The following AGBL1 variants were observed in gnomAD, a reference collection of about 807,000 sequenced individuals.
The protein encoded by AGBL1 is AGBL carboxypeptidase 1, also known as cytosolic carboxypeptidase 4.
In AGBL1, 130 loss-of-function variants were observed where a neutral mutation model predicts 118.9. That is an observed-to-expected ratio of 1.09 (90% CI 0.95 to 1.26). The LOEUF (loss-of-function observed/expected upper bound fraction) is 1.26. Ranked by LOEUF, AGBL1 falls within the 50% of genes most tolerant of loss-of-function variation. AGBL1 has a pLI of 0.00. For synonymous variants in AGBL1, 555 were observed against 478.9 expected, an observed-to-expected ratio of 1.16 and a Z score of -2.08; for missense variants, 1,584 against 1,298.1, an observed-to-expected ratio of 1.22 and a Z score of -3.38.
intron 15 of AGBL1, among the ~76,000 whole-genome samples, chr15:86,277,564 T>C (rs1477537949): frequency 6.6e-6 from 1 of 152,206 alleles, no homozygotes; most frequent in Non-Finnish European, 1.5e-5. Context: ...TTTCTCTCTC[T>C]TTCTTGCTGT....
At chr15:86,747,689 TC>T (rs1195036212) in intron 22 of AGBL1, among the ~76,000 whole-genome samples, 4 of 152,264 alleles carry the variant, frequency 2.6e-5, no homozygotes, top group African/African-American at 9.6e-5. Context: ...CCATGTGTTC[TC>T]TTTGTTCAGT....
chr15:86,926,333 G>T (rs1054218218), intron 23 of AGBL1, among the ~76,000 whole-genome samples: 1 of 152,178 alleles, frequency 6.6e-6, no homozygotes, highest in Non-Finnish European at 1.5e-5. Context: ...AATGCCATTC[G>T]TTCTGGTCCT....
chr15:86,085,069 A>G (rs1895546121), intron 1 of AGBL1, among the ~76,000 whole-genome samples: 1 of 152,254 alleles, frequency 6.6e-6, no homozygotes, highest in African/African-American at 2.4e-5. Context: ...TGCCTTCATG[A>G]AAATGTGGTA....
chr15:86,997,892 CACACA>C (rs2081394414), intron 24 of AGBL1, among the ~76,000 whole-genome samples: 1 of 28,556 alleles, frequency 3.5e-5, no homozygotes, highest in African/African-American at 5.8e-5. Context: ...ATGTGGAAGA[CACACA>C]CACACACACA....
At chr15:86,208,067 A>C (rs1181433639) in intron 5 of AGBL1, among the ~76,000 whole-genome samples, 2 of 151,972 alleles carry the variant, frequency 1.3e-5, no homozygotes, top group African/African-American at 4.8e-5. Context: ...TTCTGCAACT[A>C]TTGAGATAAT....
intron 22 of AGBL1, among the ~76,000 whole-genome samples, chr15:86,799,059 G>C (rs1246070964): frequency 6.6e-6 from 1 of 151,936 alleles, no homozygotes; most frequent in East Asian, 1.9e-4. Flanking sequence ...AGTGCTCAGT[G>C]TCTGGGTAGG....
At chr15:86,649,177 G>A (rs757525323) in intron 21 of AGBL1, among the ~76,000 whole-genome samples, 1 of 152,166 alleles carries the variant, frequency 6.6e-6, no homozygotes, top group Non-Finnish European at 1.5e-5. Flanking sequence ...ACCTTAAAGA[G>A]TGTCATGGGT....
intron 17 of AGBL1, chr15:86,312,433 A>C (rs1597718517): frequency 6.6e-6 from 1 of 152,232 alleles, no homozygotes; most frequent in Admixed American, 6.5e-5. Context: ...TCACTGGGCA[A>C]ATTAACTGCC....
At chr15:86,663,465 C>T (rs552766449) in intron 21 of AGBL1, among the ~76,000 whole-genome samples, 4 of 152,086 alleles carry the variant, frequency 2.6e-5, no homozygotes, top group African/African-American at 9.7e-5. Flanking sequence ...AGTCACCACA[C>T]GAGGTAGCTG....
At chr15:86,111,355 G>T (rs561606632) in intron 1 of AGBL1, among the ~76,000 whole-genome samples, 1 of 152,344 alleles carries the variant, frequency 6.6e-6, no homozygotes, top group South Asian at 2.1e-4. Flanking sequence ...TCTGGTGTAT[G>T]TGTGTCTGTT....
intron 22 of AGBL1, among the ~76,000 whole-genome samples, chr15:86,701,039 T>C (rs2086349633): frequency 6.6e-6 from 1 of 152,176 alleles, no homozygotes; most frequent in South Asian, 2.1e-4. Context: ...GCTCATTCCC[T>C]GGATGAATTC....
At chr15:86,704,666 G>C (rs1039749621) in intron 22 of AGBL1, among the ~76,000 whole-genome samples, 2 of 152,120 alleles carry the variant, frequency 1.3e-5, no homozygotes, top group Non-Finnish European at 2.9e-5. Context: ...AAACAGGAAC[G>C]CTTTTACATT....
At chr15:86,112,904 C>T (rs1436240828) in intron 1 of AGBL1, among the ~76,000 whole-genome samples, 7 of 152,010 alleles carry the variant, frequency 4.6e-5, no homozygotes, top group Admixed American at 2.6e-4. Flanking sequence ...TTGTAAATTG[C>T]CTGTTTATTT....
At chr15:86,347,026 G>A (rs371887572) in intron 17 of AGBL1, among the ~76,000 whole-genome samples, 22 of 152,084 alleles carry the variant, frequency 1.4e-4, no homozygotes, top group African/African-American at 3.4e-4. Flanking sequence ...AGCATCTGAC[G>A]GTTTATTGAA....
intron 22 of AGBL1, among the ~76,000 whole-genome samples, chr15:86,784,871 T>A (rs1267668217): frequency 6.6e-6 from 1 of 152,142 alleles, no homozygotes; most frequent in Non-Finnish European, 1.5e-5. Context: ...GAACAGATAA[T>A]CTTTGTACTA....
At chr15:86,267,937 C>G (rs1288489870) in intron 13 of AGBL1, among the ~76,000 whole-genome samples, 1 of 152,158 alleles carries the variant, frequency 6.6e-6, no homozygotes, top group Non-Finnish European at 1.5e-5. Flanking sequence ...GGAGACTGAG[C>G]AAGTTTCCTA....
chr15:86,988,988 T>TC (rs71460235), intron 24 of AGBL1, among the ~76,000 whole-genome samples: 2 of 149,652 alleles, frequency 1.3e-5, no homozygotes, highest in African/African-American at 2.5e-5. Flanking sequence ...CTGATTTTTT[T>TC]CCCCCTGCTT....
At chr15:86,996,303 G>C (rs8037455) in intron 24 of AGBL1, among the ~76,000 whole-genome samples, 14,930 of 152,114 alleles carry the variant, frequency 0.098, 1,297 homozygotes, top group African/African-American at 0.23. Flanking sequence ...AGAAACCCAT[G>C]TCCTGCACCT....
intron 22 of AGBL1, among the ~76,000 whole-genome samples, chr15:86,801,375 G>A (rs563430136): frequency 6.6e-6 from 1 of 150,654 alleles, no homozygotes; most frequent in Non-Finnish European, 1.5e-5. Flanking sequence ...CTTCTTAAAA[G>A]CCCCTCAGAA....
Sources: allele counts gnomAD v4.1 joint callset (sites outside exome capture counted in the v4.1 genomes callset), GRCh38; gene constraint gnomAD v4.1.1; transcripts MANE v1.5; gene names NCBI Gene and HGNC (gene_info 2026-07-23, HGNC 2026-07-21).